The following XRCC5 variants were observed in gnomAD, a reference collection of about 807,000 sequenced individuals.
XRCC5 encodes DNA repair protein Ku80.
Under a neutral mutation model 95.7 loss-of-function variants are expected in XRCC5, and 12 were observed. That is an observed-to-expected ratio of 0.13 (90% CI 0.08 to 0.20). The LOEUF (loss-of-function observed/expected upper bound fraction) is 0.20. Ranked by LOEUF, XRCC5 falls within the 10% of genes least tolerant of loss-of-function variation. The pLI is 1.00. For synonymous variants in XRCC5, 281 were observed against 290.3 expected, an observed-to-expected ratio of 0.97 and a Z score of 0.33; for missense variants, 595 against 873.9, an observed-to-expected ratio of 0.68 and a Z score of 4.02.
intron 2 of XRCC5, 99 bp downstream of exon 2, chr2:216,113,228 C>G (rs571571447): frequency 2.0e-6 from 2 of 992,398 alleles, no homozygotes; most frequent in Non-Finnish European, 3.0e-6. Flanking sequence ...AGTGTCCAGC[C>G]CCTCTGTTTG....
intron 16 of XRCC5, among the ~76,000 whole-genome samples, chr2:216,174,536 AT>A (rs1448321173): frequency 6.6e-6 from 1 of 152,218 alleles, no homozygotes; most frequent in South Asian, 2.1e-4. Flanking sequence ...AAGTTCTTTA[AT>A]TTTTTTATTC....
At chr2:216,190,418 G>A in intron 17 of XRCC5, 84 bp downstream of exon 17, 1 of 1,205,396 alleles carries the variant, frequency 8.3e-7, no homozygotes, top group Admixed American at 2.1e-5. Context: ...CTGGAAATGA[G>A]TCTGGGCCGT....
At chr2:216,116,892 G>A in intron 3 of XRCC5, 50 bp downstream of exon 3, 2 of 1,590,560 alleles carry the variant, frequency 1.3e-6, no homozygotes, top group Non-Finnish European at 1.7e-6. Flanking sequence ...TTTATTCTGG[G>A]AATCGTACAG....
chr2:216,131,443 C>T (rs534343489), intron 9 of XRCC5, among the ~76,000 whole-genome samples: 1 of 152,236 alleles, frequency 6.6e-6, no homozygotes, highest in Admixed American at 6.5e-5. Context: ...ATAGATCAGA[C>T]AAAGTTGATC....
At position 216,136,898 on chromosome 2, in the gene XRCC5, G is replaced by C. The variant is rs1379829841; in HGVS notation, c.1114-190G>C. ...AAGCAGTAAGACGGATTTAGTTAAT[G>C]AGGTTAAGTCCCAGAAGAGCTACAG... is the stretch of plus-strand genomic sequence containing the variant. On this transcript the variant is annotated intron_variant, in intron 10 of 20. Transcript: ENST00000392132. Among the ~76,000 whole-genome samples, 5 of 152,310 alleles carry C rather than the reference G, an allele frequency of 3.3e-5. No homozygotes were observed. The South Asian group carries it at 1.0e-3, about 32-fold the overall frequency.
rs1057133997 is a variant in XRCC5, at chr2:216,111,352, A to G, written c.22-1664A>G. On this transcript the variant is annotated intron_variant, in intron 1 of 20. Coordinates refer to ENST00000392132, the MANE Select transcript of XRCC5 (RefSeq NM_021141.4). The stretch of plus-strand genomic sequence containing the variant: ...GCCTGGGCAACACAGTGAGACCCCA[A>G]CTCTACAAAAAAAATTTAAGAATTA... 51 of 446,348 alleles carry G rather than the reference A, an allele frequency of 1.1e-4. No individual in the cohort carries two copies. The Admixed American group carries it at 1.2e-3, about 11-fold the overall frequency. 27.6% of individuals were successfully genotyped at this position (446,348 alleles called of 1,614,324 possible). A position where few individuals can be genotyped will look rare whatever the true frequency, so the allele number is the denominator to read the frequency against.
Position 216,109,544 on chromosome 2 carries a change from C to G in XRCC5, c.21+87C>G, listed in dbSNP as rs142454841. ...GAAGCAGGAATCGTGGGATCGCGGTCAAGACAAAGAATGGGGCAAGAGAAG... is the reference window on the plus strand; with the variant it reads ...GAAGCAGGAATCGTGGGATCGCGGTGAAGACAAAGAATGGGGCAAGAGAAG... On this transcript the variant is annotated intron_variant, in intron 1 of 20. Coordinates refer to ENST00000392132, the MANE Select transcript of XRCC5 (RefSeq NM_021141.4). 2.9e-4 allele frequency: 450 copies of G among 1,574,382 alleles called. 1 individual carries two copies. Among genetic ancestry groups the G allele is most frequent in the Non-Finnish European group, 3.5e-4 (404 of 1,155,040 alleles).
intron 16 of XRCC5, among the ~76,000 whole-genome samples, chr2:216,174,521 G>A (rs889782217): frequency 1.3e-5 from 2 of 152,134 alleles, no homozygotes; most frequent in Non-Finnish European, 2.9e-5. Context: ...ATATTGAAAA[G>A]TTGAAAGTTC....
At chr2:216,121,964 G>C in intron 5 of XRCC5, 98 bp from the exon 6 acceptor site, 1 of 1,035,970 alleles carries the variant, frequency 9.7e-7, no homozygotes, top group Non-Finnish European at 1.3e-6. Flanking sequence ...TGAGAAATTT[G>C]AAACTTGAAA....
chr2:216,193,916 C>T (rs879790211), intron 18 of XRCC5, among the ~76,000 whole-genome samples: 1 of 152,178 alleles, frequency 6.6e-6, no homozygotes, highest in Admixed American at 6.5e-5. Context: ...ATTTTCTACC[C>T]TTGATTTGCT....
Position 216,162,061 on chromosome 2 carries a change from C to G in XRCC5, c.1834+13C>G. The G allele has an allele frequency of 6.2e-7, 1 of 1,612,948 alleles. No individual in the cohort carries two copies. ...AGCTTTGAGGAAGGTGAGTGGTTGA[C>G]TTTGCATTTAGGAGAAGCTGTTTAG... On this transcript the variant is annotated intron_variant, in intron 16 of 20. Transcript: ENST00000392132.
At chr2:216,187,749 ATCTCT>A (rs1689522886) in intron 16 of XRCC5, among the ~76,000 whole-genome samples, 1 of 134,486 alleles carries the variant, frequency 7.4e-6, no homozygotes, top group Non-Finnish European at 1.5e-5. Flanking sequence ...CCTTTAAATA[ATCTCT>A]TCTCTTAGTA....
chr2:216,204,362 C>A lies in XRCC5; in HGVS notation c.2150C>A (p.Ala717Asp). ...GACAAACCAAGTGGAGACACAGCAG[C>A]TGTATTTGAAGAAGGTGGTGATGTG... ...PKDKPSGDTA[A>D]VFEEGGDVDD... The change falls in exon 20 of 21, where the codon GCT becomes GAT. Residue 717 changes from alanine to aspartate, a missense_variant. Physicochemically the swap from Ala to Asp is moderately radical, Grantham distance 126. This residue lies in a region of XRCC5 where 309 missense variants were observed against 382.9 expected (regional missense o/e 0.81). Transcript: ENST00000392132. 1 of 1,613,930 alleles carries A rather than the reference C, an allele frequency of 6.2e-7. No individual in the cohort carries two copies. Among genetic ancestry groups the A allele is most frequent in the Non-Finnish European group, 8.5e-7 (1 of 1,179,850 alleles).
chr2:216,130,983 C>T lies in XRCC5; in HGVS notation c.1046C>T (p.Ser349Phe). 6.2e-7 allele frequency: 1 copy of T among 1,609,254 alleles called. No individual in the cohort carries two copies. Among genetic ancestry groups the T allele is most frequent in the Non-Finnish European group, 8.5e-7 (1 of 1,176,196 alleles). ...TCTGTTTTGGGATTTTGTAAATCTT[C>T]TCAGGTATGATTGTGAACAAACTAA... Reference protein sequence around the residue: ...CFSVLGFCKSSQVQRRFFMGN... With the variant: ...CFSVLGFCKSFQVQRRFFMGN... Residue 349 changes from serine to phenylalanine, a missense_variant, in exon 9 of 21, where the codon TCT (serine) becomes TTT (phenylalanine). Physicochemically the swap from Ser to Phe is radical, Grantham distance 155 (BLOSUM62 -2). Coordinates refer to ENST00000392132, the MANE Select transcript of XRCC5 (RefSeq NM_021141.4).
rs577511917 is a variant in XRCC5 at position 216,205,998 on chromosome 2, A to G, written c.*796A>G. ...CACTGTTCTCTACTTGCAAGCCTCA[A>G]AGAGAGAAAGTTTCGTTATATTAAA... On this transcript the variant is annotated 3_prime_UTR_variant, in exon 21 of 21. Coordinates refer to ENST00000392132, the MANE Select transcript of XRCC5 (RefSeq NM_021141.4). The G allele has an allele frequency of 6.6e-5, 10 of 152,332 alleles. No individual in the cohort carries two copies. The East Asian group carries it at 1.9e-3, about 29-fold the overall frequency. The allele number at this position is 152,332 out of a possible 1,614,324, so 9.4% of individuals were successfully genotyped here. A position where few individuals can be genotyped will look rare whatever the true frequency, so the allele number is the denominator to read the frequency against.
chr2:216,141,824 A>T (rs1401810335), intron 13 of XRCC5, among the ~76,000 whole-genome samples: 1 of 152,096 alleles, frequency 6.6e-6, no homozygotes, highest in Non-Finnish European at 1.5e-5. Flanking sequence ...AGGCTGAGGC[A>T]GGTGCATCAC....
intron 1 of XRCC5, 24 bp from the exon 2 acceptor site, chr2:216,112,992 C>A: frequency 6.3e-7 from 1 of 1,578,768 alleles, no homozygotes; most frequent in Non-Finnish European, 8.7e-7. Context: ...TTTTCTCAAA[C>A]ACTCTTTGGA....
chr2:216,175,352 C>G lies in XRCC5; in HGVS notation c.1834+13304C>G, dbSNP rs1395918638. The G allele has an allele frequency of 2.5e-5, 12 of 474,946 alleles. No individual in the cohort carries two copies. In the East Asian group the frequency reaches 6.1e-4, roughly 24 times the overall value. The allele number at this position is 474,946 out of a possible 1,614,324, so 29.4% of individuals were successfully genotyped here. A position where few individuals can be genotyped will look rare whatever the true frequency, so the allele number is the denominator to read the frequency against. ...ACAGCCAAAATTACTTGCACCACTTCCAGAGTTTCCTCCACAACCCATAAA... is the reference window on the plus strand; with the variant it reads ...ACAGCCAAAATTACTTGCACCACTTGCAGAGTTTCCTCCACAACCCATAAA... On this transcript the variant is annotated intron_variant, in intron 16 of 20. Coordinates refer to ENST00000392132, the MANE Select transcript of XRCC5 (RefSeq NM_021141.4).
intron 6 of XRCC5, among the ~76,000 whole-genome samples, chr2:216,124,186 T>G (rs186794074): frequency 6.6e-6 from 1 of 152,192 alleles, no homozygotes. Context: ...CATATAGATC[T>G]TAGGAAGAGA....
Sources: allele counts gnomAD v4.1 joint callset (sites outside exome capture counted in the v4.1 genomes callset), GRCh38; gene constraint gnomAD v4.1.1; regional missense constraint gnomAD v4.1.1; transcripts MANE v1.5; gene names NCBI Gene and HGNC (gene_info 2026-07-23, HGNC 2026-07-21).